The following INPP4B variants were observed in gnomAD, a reference collection of about 807,000 sequenced individuals.
INPP4B encodes inositol polyphosphate 4-phosphatase type II.
A neutral mutation model predicts 122.5 loss-of-function variants in INPP4B; 55 were observed. That is an observed-to-expected ratio of 0.45 (90% CI 0.36 to 0.56). The LOEUF (loss-of-function observed/expected upper bound fraction) is 0.56, where lower values mean the gene tolerates loss of function less well. Among genes scored for constraint, INPP4B ranks in the 20% least tolerant of loss-of-function variants. The pLI, the probability that INPP4B is intolerant of heterozygous loss-of-function variation, is 0.00. For missense variants in INPP4B, 1,000 were observed against 1,097.7 expected (o/e 0.91, Z 1.26); for synonymous variants, 403 against 388.7 (o/e 1.04, Z -0.43).
At position 142,617,672 on chromosome 4, in the gene INPP4B, A is replaced by G. The variant is rs146441280; in HGVS notation, c.-191+108167T>C. 5.6e-4 allele frequency among the ~76,000 whole-genome samples: 85 copies of G among 152,272 alleles called. 1 individual carries two copies. Among genetic ancestry groups the G allele is most frequent in the African/African-American group, 2.0e-3 (83 of 41,566 alleles). ...CTAGGCACTGTCTGTCTGCTTCCCA[A>G]GCACATGACTCCTGGAGTTCAGAGA... is the stretch of plus-strand genomic sequence containing the variant. On this transcript the variant is annotated intron_variant, in intron 2 of 25. Coordinates refer to ENST00000262992, the MANE Select transcript of INPP4B (RefSeq NM_001101669.3).
At chr4:142,361,473 T>C (rs573704362) in intron 7 of INPP4B, among the ~76,000 whole-genome samples, 31 of 151,950 alleles carry the variant, frequency 2.0e-4, no homozygotes, top group Non-Finnish European at 4.0e-4. Flanking sequence ...GATTGGCAAT[T>C]ATCCCAGTTT....
intron 25 of INPP4B, among the ~76,000 whole-genome samples, chr4:142,047,619 C>T (rs754850713): frequency 1.3e-4 from 19 of 151,974 alleles, no homozygotes; most frequent in Middle Eastern, 3.2e-3. Context: ...TAATGATACT[C>T]TTCGGCTCCC....
intron 1 of INPP4B, among the ~76,000 whole-genome samples, chr4:142,839,653 T>G (rs1783242632): frequency 6.6e-6 from 1 of 152,212 alleles, no homozygotes; most frequent in African/African-American, 2.4e-5. Flanking sequence ...TTGATGTAAC[T>G]TCTAAGGTTT....
intron 2 of INPP4B, among the ~76,000 whole-genome samples, chr4:142,594,722 G>A (rs929337888): frequency 6.6e-6 from 1 of 152,018 alleles, no homozygotes. Context: ...TTGGGAGCCC[G>A]AGGCGGTTGG....
intron 2 of INPP4B, among the ~76,000 whole-genome samples, chr4:142,474,567 T>C (rs1433121057): frequency 6.6e-6 from 1 of 152,174 alleles, no homozygotes; most frequent in African/African-American, 2.4e-5. Context: ...AGCCCATCAG[T>C]CCTACTTCTG....
At chr4:142,248,369 C>T (rs1053202198) in intron 11 of INPP4B, among the ~76,000 whole-genome samples, 3 of 120,290 alleles carry the variant, frequency 2.5e-5, no homozygotes, top group African/African-American at 9.2e-5. Context: ...TGGAGTTTCA[C>T]TGTTGTTGCC....
intron 2 of INPP4B, among the ~76,000 whole-genome samples, chr4:142,619,204 A>T (rs920079224): frequency 2.6e-5 from 4 of 152,062 alleles, no homozygotes; most frequent in Non-Finnish European, 5.9e-5. Context: ...TTAAAAATAG[A>T]AATACTATAT....
chr4:142,604,041 A>G (rs1056838564), intron 2 of INPP4B, among the ~76,000 whole-genome samples: 1 of 152,120 alleles, frequency 6.6e-6, no homozygotes, highest in African/African-American at 2.4e-5. Context: ...GATCAAGTTG[A>G]ATTTATCCCA....
chr4:142,031,411 C>G (rs997026000), intron 25 of INPP4B, among the ~76,000 whole-genome samples: 1 of 152,122 alleles, frequency 6.6e-6, no homozygotes, highest in South Asian at 2.1e-4. Flanking sequence ...CAGGCATTGA[C>G]CACACCAGTG....
At chr4:142,356,346 G>A (rs1401719352) in intron 7 of INPP4B, among the ~76,000 whole-genome samples, 1 of 150,804 alleles carries the variant, frequency 6.6e-6, no homozygotes, top group African/African-American at 2.4e-5. Flanking sequence ...AGAGATGTGT[G>A]GCCTACTTTT....
intron 11 of INPP4B, among the ~76,000 whole-genome samples, chr4:142,256,735 T>C (rs1399314254): frequency 6.6e-6 from 1 of 151,628 alleles, no homozygotes; most frequent in African/African-American, 2.4e-5. Context: ...CCAAAAAGAG[T>C]CCAGGACCAG....
chr4:142,107,789 T>G (rs896773438), intron 23 of INPP4B, among the ~76,000 whole-genome samples: 1 of 152,172 alleles, frequency 6.6e-6, no homozygotes, highest in African/African-American at 2.4e-5. Flanking sequence ...TACAAAATTT[T>G]TATCAGACTA....
At chr4:142,605,999 C>T (rs78381183) in intron 2 of INPP4B, among the ~76,000 whole-genome samples, 3,986 of 151,952 alleles carry the variant, frequency 0.026, 76 homozygotes, top group Non-Finnish European at 0.041. Flanking sequence ...AATCTAAGTG[C>T]CCATCAGTGG....
intron 2 of INPP4B, among the ~76,000 whole-genome samples, chr4:142,642,028 C>A (rs1387905146): frequency 6.6e-6 from 1 of 152,228 alleles, no homozygotes; most frequent in Non-Finnish European, 1.5e-5. Context: ...TGATGATGAG[C>A]ATTTTTTTCT....
At chr4:142,632,840 T>C (rs553060787) in intron 2 of INPP4B, among the ~76,000 whole-genome samples, 8 of 151,794 alleles carry the variant, frequency 5.3e-5, no homozygotes, top group Admixed American at 3.3e-4. Context: ...TATACAACTT[T>C]CAACTTGATA....
At chr4:142,136,432 G>T (rs922614526) in intron 18 of INPP4B, among the ~76,000 whole-genome samples, 1 of 152,224 alleles carries the variant, frequency 6.6e-6, no homozygotes, top group Non-Finnish European at 1.5e-5. Context: ...AGAGCACAGG[G>T]CTCTGCTGAG....
chr4:142,443,417 C>A (rs1000705139), intron 3 of INPP4B, among the ~76,000 whole-genome samples: 3 of 152,102 alleles, frequency 2.0e-5, no homozygotes, highest in African/African-American at 4.8e-5. Flanking sequence ...AAATGACAGA[C>A]CCTGCTGACC....
In INPP4B at chr4:142,576,389, A is replaced by G. The variant is rs568213547; in HGVS notation, c.-190-113663T>C. Among the ~76,000 whole-genome samples, 9 of 152,128 alleles carry G rather than the reference A, an allele frequency of 5.9e-5. No homozygotes were observed. In the South Asian group the frequency reaches 1.7e-3, roughly 28 times the overall value. On this transcript the variant is annotated intron_variant, in intron 2 of 25. Coordinates refer to ENST00000262992, the MANE Select transcript of INPP4B (RefSeq NM_001101669.3). ...CTTTTACCTCAACATTATGCAATCT[A>G]CCTGGTAAGATCATAGATATGTCTT...
At chr4:142,134,092 T>C (rs180842065) in intron 18 of INPP4B, among the ~76,000 whole-genome samples, 1 of 152,364 alleles carries the variant, frequency 6.6e-6, no homozygotes, top group Non-Finnish European at 1.5e-5. Context: ...TGTTTATTTT[T>C]GTAGTCCTCA....
Sources: gnomAD v4.1 joint callset for allele counts (sites outside exome capture counted in the v4.1 genomes callset) on GRCh38, gnomAD v4.1.1 for gene constraint, MANE v1.5 for transcripts, NCBI Gene and HGNC (gene_info 2026-07-23, HGNC 2026-07-21) for gene names.